Variants in DYM observed in about 807,000 individuals in gnomAD.
DYM encodes the protein dymeclin, also known as dyggve-Melchior-Clausen syndrome protein.
A neutral mutation model predicts 93.1 loss-of-function variants in DYM; 78 were observed. The observed-to-expected ratio is 0.84, with a 90% CI of 0.70 to 1.01. DYM has a LOEUF of 1.01. Ranked by LOEUF, DYM falls within the 50% of genes least tolerant of loss-of-function variation. The pLI, the probability that DYM is intolerant of heterozygous loss-of-function variation, is 0.00. For synonymous variants in DYM, 321 were observed against 319.7 expected, an observed-to-expected ratio of 1.00 and a Z score of -0.04; for missense variants, 789 against 845.0, an observed-to-expected ratio of 0.93 and a Z score of 0.82.
chr18:49,278,611 A>T (rs2094902002), intron 10 of DYM, among the ~76,000 whole-genome samples: 1 of 152,140 alleles, frequency 6.6e-6, no homozygotes, highest in South Asian at 2.1e-4. Context: ...AGAAGAGACT[A>T]TTGGAGCCCT....
chr18:49,146,639 G>A (rs183764029), intron 15 of DYM, among the ~76,000 whole-genome samples: 1 of 152,220 alleles, frequency 6.6e-6, no homozygotes, highest in African/African-American at 2.4e-5. Flanking sequence ...AACTTACAAG[G>A]GACGTGAAGG....
chr18:49,153,384 T>G (rs2086033244), intron 15 of DYM, among the ~76,000 whole-genome samples: 1 of 152,196 alleles, frequency 6.6e-6, no homozygotes, highest in Non-Finnish European at 1.5e-5. Flanking sequence ...TCACAGGGTT[T>G]GGCTCTGTTT....
intron 13 of DYM, 110 bp from the exon 14 acceptor site, chr18:49,209,825 G>T: frequency 1.7e-6 from 1 of 600,222 alleles, no homozygotes. Flanking sequence ...ACTAGATGGT[G>T]CCCAAGAAAA....
chr18:49,258,839 CAGAGAGAGAGAGAGAGAG>C lies in DYM; in HGVS notation c.1252-364_1252-347del, dbSNP rs61360021. 1.8e-3 allele frequency among the ~76,000 whole-genome samples: 205 copies of C among 113,750 alleles called. 2 individuals are homozygous for C. The highest frequency in any genetic ancestry group is 5.4e-3 in the African/African-American group (163 of 30,062). 74.6% of individuals were successfully genotyped at this position (113,750 alleles called of 152,430 possible). ...ACACACACAGAGACACACACACACA[CAGAGAGAGAGAGAGAGAG>C]AGAGAGAGAGAGAGAGAGAGAGAGA... On this transcript the variant is annotated intron_variant, in intron 11 of 17. Coordinates refer to ENST00000675505, the MANE Select transcript of DYM (RefSeq NM_001353214.3).
At chr18:49,394,778 T>C (rs1204499014) in intron 2 of DYM, among the ~76,000 whole-genome samples, 3 of 152,208 alleles carry the variant, frequency 2.0e-5, no homozygotes, top group African/African-American at 4.8e-5. Context: ...GTTTTTTTAA[T>C]AGCTACTGTA....
intron 15 of DYM, among the ~76,000 whole-genome samples, chr18:49,129,558 T>C (rs1005898908): frequency 6.6e-6 from 1 of 152,144 alleles, no homozygotes; most frequent in Non-Finnish European, 1.5e-5. Flanking sequence ...GCAGCTAAAA[T>C]GTTGATGAAT....
chr18:49,227,414 C>A (rs544338950), intron 13 of DYM, among the ~76,000 whole-genome samples: 3 of 152,040 alleles, frequency 2.0e-5, no homozygotes, highest in African/African-American at 7.2e-5. Flanking sequence ...TGCTACATAA[C>A]GGTAAGAGTT....
At chr18:49,407,068 A>G (rs533236256) in intron 2 of DYM, among the ~76,000 whole-genome samples, 3 of 152,352 alleles carry the variant, frequency 2.0e-5, no homozygotes, top group Admixed American at 1.3e-4. Context: ...TCAAGACACT[A>G]TGCTGAGTGA....
chr18:49,123,860 C>G (rs186116311), intron 15 of DYM, among the ~76,000 whole-genome samples: 262 of 152,268 alleles, frequency 1.7e-3, no homozygotes, highest in African/African-American at 6.0e-3. Flanking sequence ...CTTCAGAATT[C>G]TCTCTCACGG....
intron 14 of DYM, among the ~76,000 whole-genome samples, chr18:49,202,572 A>T (rs1358862053): frequency 8.5e-6 from 1 of 117,880 alleles, no homozygotes; most frequent in East Asian, 2.6e-4. Context: ...AGCCGCCATC[A>T]CATCTAGGAA....
chr18:49,378,800 C>A (rs1599778960), intron 4 of DYM, 100 bp from the exon 5 acceptor site: 1 of 1,232,574 alleles, frequency 8.1e-7, no homozygotes, highest in East Asian at 2.5e-5. Context: ...CCGTTTTGTC[C>A]ATCCTATTGG....
chr18:49,441,447 C>G (rs1460544621), intron 1 of DYM, among the ~76,000 whole-genome samples: 3 of 138,772 alleles, frequency 2.2e-5, no homozygotes, highest in African/African-American at 8.2e-5. Context: ...AACAGGAGAT[C>G]AGAGAAATAA....
In DYM at chr18:49,445,317, G is replaced by C. The variant is rs1267185557; in HGVS notation, c.-53-14870C>G. Among the ~76,000 whole-genome samples the C allele has an allele frequency of 2.0e-5, 3 of 152,148 alleles. No individual in the cohort carries two copies. The East Asian group carries it at 5.8e-4, about 29-fold the overall frequency. ...GTTAAGTAACTTGCCCAAGATTATA[G>C]AGCTAGAAAGTGGCACATCAGGTTT... is the stretch of plus-strand genomic sequence containing the variant. On this transcript the variant is annotated intron_variant, in intron 1 of 17. Coordinates refer to ENST00000675505, the MANE Select transcript of DYM (RefSeq NM_001353214.3).
chr18:49,429,838 C>T (rs1411755862), intron 2 of DYM, among the ~76,000 whole-genome samples: 1 of 152,152 alleles, frequency 6.6e-6, no homozygotes, highest in African/African-American at 2.4e-5. Context: ...AGATACTCCA[C>T]AGCCATTAAA....
Position 49,091,796 on chromosome 18 carries a change from G to C in DYM, c.2025+5606C>G, listed in dbSNP as rs79272755. 3.5e-3 allele frequency among the ~76,000 whole-genome samples: 532 copies of C among 152,138 alleles called. 28 individuals are homozygous for C. The East Asian group carries it at 0.085, about 24-fold the overall frequency. On this transcript the variant is annotated intron_variant, in intron 17 of 17. Transcript: ENST00000675505. ...CTGTCCCCTAGGCTGGAGTGCAGTGGCATGATCTCGGTTTCATCACATTGG... is the reference window on the plus strand; with the variant it reads ...CTGTCCCCTAGGCTGGAGTGCAGTGCCATGATCTCGGTTTCATCACATTGG...
intron 14 of DYM, among the ~76,000 whole-genome samples, chr18:49,182,093 T>C (rs2089982574): frequency 6.6e-6 from 1 of 152,210 alleles, no homozygotes; most frequent in Admixed American, 6.5e-5. Context: ...TTTCCAAATA[T>C]ATGGGGATTT....
intron 10 of DYM, 39 bp from the exon 11 acceptor site, chr18:49,272,342 C>A: frequency 8.0e-7 from 1 of 1,248,138 alleles, no homozygotes; most frequent in Non-Finnish European, 1.2e-6. Context: ...TTCAATACTT[C>A]ATTATAAATC....
intron 2 of DYM, among the ~76,000 whole-genome samples, chr18:49,403,412 T>C (rs1326302503): frequency 6.6e-6 from 1 of 152,208 alleles, no homozygotes; most frequent in Non-Finnish European, 1.5e-5. Context: ...CTTACATTTG[T>C]ATGATGTTTT....
At chr18:49,152,809 T>C (rs1271008641) in intron 15 of DYM, among the ~76,000 whole-genome samples, 1 of 152,192 alleles carries the variant, frequency 6.6e-6, no homozygotes, top group Non-Finnish European at 1.5e-5. Context: ...GGAGATCCTA[T>C]CATTTGCGAC....
Sources: allele counts gnomAD v4.1 joint callset (sites outside exome capture counted in the v4.1 genomes callset), GRCh38; gene constraint gnomAD v4.1.1; transcripts MANE v1.5; gene names NCBI Gene and HGNC (gene_info 2026-07-23, HGNC 2026-07-21).